The following TENM3 variants were observed in gnomAD, a reference collection of about 807,000 sequenced individuals.
The protein encoded by TENM3 is teneurin-3.
TENM3 carries 63 observed loss-of-function variants against 255.1 expected under a neutral mutation model. The ratio of observed to expected loss-of-function variants is 0.25; its 90% CI spans 0.20 to 0.30. TENM3 has a LOEUF of 0.30. Among genes scored for constraint, TENM3 ranks in the 10% least tolerant of loss-of-function variants. TENM3 has a pLI of 1.00. For synonymous variants in TENM3, 1,306 were observed against 1,322.3 expected, an observed-to-expected ratio of 0.99 and a Z score of 0.27; for missense variants, 2,929 against 3,461.1, an observed-to-expected ratio of 0.85 and a Z score of 3.86.
chr4:181,969,022 G>T, the TENM3 span, among the ~76,000 whole-genome samples: 5 of 147,954 alleles, frequency 3.4e-5, no homozygotes, highest in Non-Finnish European at 7.4e-5. Context: ...GTGTGTGTAT[G>T]CCTCTGTGTG....
intron 3 of TENM3, among the ~76,000 whole-genome samples, chr4:182,511,910 A>T (rs928558162): frequency 1.4e-4 from 22 of 152,310 alleles, no homozygotes; most frequent in Non-Finnish European, 2.6e-4. Context: ...CAATAATCTA[A>T]GAGTTAAGTA....
chr4:182,652,560 A>G, intron 5 of TENM3, among the ~76,000 whole-genome samples: 1 of 152,192 alleles, frequency 6.6e-6, no homozygotes, highest in Admixed American at 6.5e-5. Context: ...ATTTCTAACA[A>G]TATCACGTAA....
chr4:181,585,081 C>A, the TENM3 span, among the ~76,000 whole-genome samples: 1 of 150,960 alleles, frequency 6.6e-6, no homozygotes, highest in Non-Finnish European at 1.5e-5. Flanking sequence ...ACATATGATG[C>A]GATCACTAAC....
At chr4:182,534,834 G>A (rs1168897302) in intron 3 of TENM3, among the ~76,000 whole-genome samples, 4 of 152,160 alleles carry the variant, frequency 2.6e-5, no homozygotes, top group African/African-American at 9.7e-5. Context: ...ATGTTTTCTG[G>A]TTATAACTGG....
chr4:182,414,334 C>A (rs747197127), intron 3 of TENM3, among the ~76,000 whole-genome samples: 3 of 151,930 alleles, frequency 2.0e-5, no homozygotes, highest in Non-Finnish European at 4.4e-5. Flanking sequence ...CAAAATTTAT[C>A]CCTCATTGTG....
rs559683543 is a variant in TENM3, at chr4:182,161,341, G to A, written c.-76+16587G>A. Among the ~76,000 whole-genome samples the A allele has an allele frequency of 8.5e-4, 112 of 131,800 alleles. 11 individuals carry two copies. In the South Asian group the frequency reaches 0.023, roughly 27 times the overall value. 86.5% of individuals were successfully genotyped at this position (131,800 alleles called of 152,430 possible). On this transcript the variant is annotated intron_variant, in intron 1 of 2. Coordinates refer to the TENM3 transcript ENST00000512480. The stretch of plus-strand genomic sequence containing the variant: ...TGAGGCAGGAGAATGGCGTGAACCC[G>A]GGAGGCGAAGCTTGCAGTGAGCCGA...
At chr4:181,575,203 C>G in the TENM3 span, among the ~76,000 whole-genome samples, 76 of 152,018 alleles carry the variant, frequency 5.0e-4, no homozygotes, top group African/African-American at 1.8e-3. Flanking sequence ...ATTTGTTTTT[C>G]TTCTTAATTT....
At chr4:181,855,411 T>A in the TENM3 span, among the ~76,000 whole-genome samples, 2 of 152,200 alleles carry the variant, frequency 1.3e-5, no homozygotes, top group African/African-American at 4.8e-5. Flanking sequence ...AAGCCCAACA[T>A]GAAATGAGGA....
chr4:182,595,331 C>T (rs1165984103), intron 3 of TENM3, among the ~76,000 whole-genome samples: 1 of 151,980 alleles, frequency 6.6e-6, no homozygotes, highest in Non-Finnish European at 1.5e-5. Flanking sequence ...CTGTAATCTA[C>T]CCTGTATCCA....
At position 182,680,616 on chromosome 4, in the gene TENM3, G is replaced by T; in HGVS notation, c.1713G>T (p.Lys571Asn). ...GCTGCCTGTGTTTCAGCGGCTGGAA[G>T]GGCACCGAGTGTGATGTGCCGACTA... is the stretch of plus-strand genomic sequence containing the variant. ...KGRCLCFSGWKGTECDVPTTQ... is the reference protein window; with the variant it reads ...KGRCLCFSGWNGTECDVPTTQ... Residue 571 changes from lysine to asparagine, a missense_variant, in exon 10 of 28, where the codon AAG becomes AAT. By Grantham distance (94) the Lys-to-Asn change is moderately conservative (BLOSUM62 0). Transcript: ENST00000511685. 6.2e-7 allele frequency: 1 copy of T among 1,613,814 alleles called. No individual in the cohort carries two copies. Among genetic ancestry groups the T allele is most frequent in the Non-Finnish European group, 8.5e-7 (1 of 1,179,854 alleles).
the TENM3 span, among the ~76,000 whole-genome samples, chr4:181,779,594 T>C: frequency 1.3e-5 from 2 of 152,116 alleles, no homozygotes; most frequent in Non-Finnish European, 2.9e-5. Flanking sequence ...TTATATAATT[T>C]GGTAAACCAT....
At chr4:181,476,117 G>A in the TENM3 span, among the ~76,000 whole-genome samples, 4 of 151,812 alleles carry the variant, frequency 2.6e-5, no homozygotes, top group African/African-American at 7.3e-5. Context: ...GGGCAAAAAT[G>A]TTTAAGCTAC....
At chr4:181,721,943 G>A in the TENM3 span, among the ~76,000 whole-genome samples, 1 of 152,108 alleles carries the variant, frequency 6.6e-6, no homozygotes. Context: ...AGATGCATGT[G>A]GACTTACCAC....
chr4:181,666,657 T>C, the TENM3 span, among the ~76,000 whole-genome samples: 1 of 152,192 alleles, frequency 6.6e-6, no homozygotes, highest in Non-Finnish European at 1.5e-5. Context: ...TTATTAAAAC[T>C]CAACAGTAGC....
chr4:181,766,647 A>G, the TENM3 span, among the ~76,000 whole-genome samples: 1 of 151,994 alleles, frequency 6.6e-6, no homozygotes, highest in Non-Finnish European at 1.5e-5. Context: ...AGTCAAAGAA[A>G]AAGGATTCCT....
At chr4:181,661,369 A>T in the TENM3 span, among the ~76,000 whole-genome samples, 3 of 152,286 alleles carry the variant, frequency 2.0e-5, no homozygotes, top group East Asian at 5.8e-4. Flanking sequence ...TTGCCTTTTC[A>T]CATAATCTTT....
At chr4:182,238,933 C>A (rs4861500), upstream of TENM3, among the ~76,000 whole-genome samples, 36,795 of 151,736 alleles carry the variant, frequency 0.24, 5,551 homozygotes, top group Admixed American at 0.37. Flanking sequence ...AGATAAAGGA[C>A]TGATATTATA....
the TENM3 span, among the ~76,000 whole-genome samples, chr4:181,454,468 T>C: frequency 2.6e-5 from 4 of 152,100 alleles, no homozygotes; most frequent in Non-Finnish European, 1.5e-5. Flanking sequence ...GTGTACAATG[T>C]TAATAAAGTC....
chr4:181,592,173 A>G, the TENM3 span, among the ~76,000 whole-genome samples: 4 of 151,738 alleles, frequency 2.6e-5, no homozygotes, highest in African/African-American at 9.7e-5. Flanking sequence ...GTGCATACAT[A>G]ATGTCAATTT....
Sources: gnomAD v4.1 joint callset for allele counts (sites outside exome capture counted in the v4.1 genomes callset) on GRCh38, gnomAD v4.1.1 for gene constraint, MANE v1.5 for transcripts, NCBI Gene and HGNC (gene_info 2026-07-23, HGNC 2026-07-21) for gene names.